PTPRT: variants seen among roughly 807,000 people sequenced by gnomAD.
PTPRT encodes receptor-type tyrosine-protein phosphatase T.
Under a neutral mutation model 176.8 loss-of-function variants are expected in PTPRT, and 56 were observed. The observed-to-expected ratio is 0.32, with a 90% confidence interval of 0.26 to 0.40. The LOEUF (loss-of-function observed/expected upper bound fraction) is 0.40. Ranked by LOEUF, PTPRT falls within the 10% of genes least tolerant of loss-of-function variation. The pLI, the probability that PTPRT is intolerant of heterozygous loss-of-function variation, is 1.00. For missense variants in PTPRT, 1,540 were observed against 1,908.2 expected (o/e 0.81, Z 3.60); for synonymous variants, 783 against 739.0 (o/e 1.06, Z -0.96).
At chr20:43,164,311 G>C (rs1233843574) in intron 1 of PTPRT, among the ~76,000 whole-genome samples, 1 of 152,224 alleles carries the variant, frequency 6.6e-6, no homozygotes, top group African/African-American at 2.4e-5. Context: ...GTACATGCCA[G>C]GTGCTTTCTA....
chr20:42,863,522 T>G (rs2078696621), intron 2 of PTPRT, among the ~76,000 whole-genome samples: 1 of 152,178 alleles, frequency 6.6e-6, no homozygotes. Flanking sequence ...TGTTCAGACT[T>G]TAGATCACAA....
intron 6 of PTPRT, among the ~76,000 whole-genome samples, chr20:42,693,040 T>C (rs6102990): frequency 0.092 from 14,036 of 152,236 alleles, 748 homozygotes; most frequent in South Asian, 0.16. Flanking sequence ...GCACTTTATG[T>C]CCTTTACTGC....
At chr20:43,085,957 AC>A (rs1203181002) in intron 1 of PTPRT, among the ~76,000 whole-genome samples, 1 of 150,834 alleles carries the variant, frequency 6.6e-6, no homozygotes, top group East Asian at 2.0e-4. Flanking sequence ...TGTCTTCCCC[AC>A]CCCCCCACAA....
chr20:42,849,067 G>C (rs2078426739), intron 2 of PTPRT, among the ~76,000 whole-genome samples: 1 of 152,148 alleles, frequency 6.6e-6, no homozygotes, highest in East Asian at 1.9e-4. Flanking sequence ...TTGTTGAATA[G>C]GGTGTCCTTT....
At chr20:42,381,226 T>C (rs946387470) in intron 9 of PTPRT, among the ~76,000 whole-genome samples, 6 of 152,174 alleles carry the variant, frequency 3.9e-5, no homozygotes, top group African/African-American at 1.4e-4. Flanking sequence ...ATTGGGGGCC[T>C]TTTAGATTCA....
At chr20:42,233,263 C>A (rs1330848994) in intron 15 of PTPRT, among the ~76,000 whole-genome samples, 1 of 152,148 alleles carries the variant, frequency 6.6e-6, no homozygotes, top group Non-Finnish European at 1.5e-5. Context: ...CCATGGGATG[C>A]TTTTGCTTGG....
At chr20:42,579,413 G>A (rs946529362) in intron 7 of PTPRT, among the ~76,000 whole-genome samples, 1 of 151,990 alleles carries the variant, frequency 6.6e-6, no homozygotes, top group Non-Finnish European at 1.5e-5. Context: ...TAATCCTTTG[G>A]GTAAATACCC....
intron 9 of PTPRT, among the ~76,000 whole-genome samples, chr20:42,406,346 T>C (rs1317471227): frequency 2.0e-5 from 3 of 151,942 alleles, no homozygotes; most frequent in African/African-American, 7.2e-5. Context: ...AGAAAGGTGG[T>C]ATAACCATAA....
At chr20:42,608,597 C>G (rs2073922676) in intron 7 of PTPRT, among the ~76,000 whole-genome samples, 1 of 152,140 alleles carries the variant, frequency 6.6e-6, no homozygotes, top group Non-Finnish European at 1.5e-5. Context: ...ACTGGAACAG[C>G]CAGGGGAGAT....
intron 19 of PTPRT, among the ~76,000 whole-genome samples, chr20:42,122,034 G>A (rs1019863136): frequency 5.9e-5 from 9 of 152,186 alleles, no homozygotes; most frequent in Non-Finnish European, 1.2e-4. Flanking sequence ...GGGTAGGAGG[G>A]TGGTGAGAGG....
chr20:42,192,307 C>G (rs1195440872), intron 16 of PTPRT, among the ~76,000 whole-genome samples: 3 of 152,138 alleles, frequency 2.0e-5, no homozygotes, highest in Non-Finnish European at 4.4e-5. Context: ...TACCACCACC[C>G]CAGCCAGCCT....
At chr20:42,638,358 G>A (rs922673253) in intron 7 of PTPRT, among the ~76,000 whole-genome samples, 17 of 152,020 alleles carry the variant, frequency 1.1e-4, no homozygotes, top group Admixed American at 5.9e-4. Flanking sequence ...CTGAGCGGTC[G>A]AAACATAAAA....
chr20:42,187,394 G>A (rs528874958), intron 16 of PTPRT, among the ~76,000 whole-genome samples: 9 of 152,210 alleles, frequency 5.9e-5, no homozygotes, highest in Admixed American at 2.6e-4. Flanking sequence ...AAAGTCAACC[G>A]GTGCTGAGTA....
At chr20:42,648,887 C>CA (rs2145961853) in intron 7 of PTPRT, among the ~76,000 whole-genome samples, 1 of 141,744 alleles carries the variant, frequency 7.1e-6, no homozygotes, top group Admixed American at 7.2e-5. Context: ...GGTGTAATCT[C>CA]AGCTCACTGC....
chr20:43,083,689 C>T (rs564515977), intron 1 of PTPRT, among the ~76,000 whole-genome samples: 5 of 152,022 alleles, frequency 3.3e-5, no homozygotes, highest in East Asian at 1.9e-4. Context: ...TTATTATTTA[C>T]GGAGTTGTAC....
intron 6 of PTPRT, among the ~76,000 whole-genome samples, chr20:42,744,492 T>C (rs1490364509): frequency 6.6e-6 from 1 of 152,252 alleles, no homozygotes; most frequent in Non-Finnish European, 1.5e-5. Context: ...CATCTTCCCA[T>C]CTGTTTTCAG....
chr20:42,171,943 C>G (rs1050544734), intron 16 of PTPRT, among the ~76,000 whole-genome samples: 3 of 152,050 alleles, frequency 2.0e-5, no homozygotes, highest in African/African-American at 7.2e-5. Context: ...TAAAGAATGA[C>G]AAGAGCCTTG....
At chr20:42,765,467 G>A (rs959112716) in intron 5 of PTPRT, among the ~76,000 whole-genome samples, 2 of 152,068 alleles carry the variant, frequency 1.3e-5, no homozygotes, top group African/African-American at 2.4e-5. Flanking sequence ...AGGCTTCTTC[G>A]TATACTAGGA....
At chr20:42,086,946 T>TCTCACTC (rs1984029821) in intron 27 of PTPRT, among the ~76,000 whole-genome samples, 1 of 150,844 alleles carries the variant, frequency 6.6e-6, no homozygotes, top group Non-Finnish European at 1.5e-5. Flanking sequence ...TTATCTGGAA[T>TCTCACTC]TGGAAATTAG....
Sources: gnomAD v4.1 joint callset for allele counts (sites outside exome capture counted in the v4.1 genomes callset) on GRCh38, gnomAD v4.1.1 for gene constraint, MANE v1.5 for transcripts, NCBI Gene and HGNC (gene_info 2026-07-23, HGNC 2026-07-21) for gene names.